EXOC6B: variants seen among roughly 807,000 people sequenced by gnomAD.
The protein encoded by EXOC6B is exocyst complex component 6B.
Under a neutral mutation model 113.5 loss-of-function variants are expected in EXOC6B, and 54 were observed. The ratio of observed to expected loss-of-function variants is 0.48; its 90% CI spans 0.38 to 0.60. The LOEUF (loss-of-function observed/expected upper bound fraction) is 0.60. Ranked by LOEUF, EXOC6B falls within the 20% of genes least tolerant of loss-of-function variation. EXOC6B has a pLI of 0.00. For missense variants in EXOC6B, 797 were observed against 977.5 expected, an observed-to-expected ratio of 0.82 and a Z score of 2.46; for synonymous variants, 357 against 339.0, an observed-to-expected ratio of 1.05 and a Z score of -0.58.
intron 6 of EXOC6B, among the ~76,000 whole-genome samples, chr2:72,648,896 C>T (rs1302005965): frequency 6.6e-6 from 1 of 152,136 alleles, no homozygotes; most frequent in African/African-American, 2.4e-5. Flanking sequence ...GTAATTCCAG[C>T]ACTTTGGGAG....
At chr2:72,547,236 A>C (rs1032005112) in intron 8 of EXOC6B, among the ~76,000 whole-genome samples, 10 of 152,216 alleles carry the variant, frequency 6.6e-5, no homozygotes, top group Non-Finnish European at 1.0e-4. Flanking sequence ...AGTCTCCTGT[A>C]GTGAATGGAG....
intron 20 of EXOC6B, among the ~76,000 whole-genome samples, chr2:72,328,411 C>CA (rs59050216): frequency 0.13 from 17,975 of 137,050 alleles, 1,141 homozygotes; most frequent in African/African-American, 0.19. Flanking sequence ...GGCACCAATA[C>CA]AAAAAAAAAA....
chr2:72,748,494 C>T (rs567182373), intron 1 of EXOC6B, among the ~76,000 whole-genome samples: 4 of 152,096 alleles, frequency 2.6e-5, no homozygotes, highest in South Asian at 2.1e-4. Flanking sequence ...GGGTGCATAA[C>T]GATGAAGGAG....
intron 2 of EXOC6B, among the ~76,000 whole-genome samples, chr2:72,737,667 A>AAC (rs1681050390): frequency 6.6e-6 from 1 of 152,080 alleles, no homozygotes; most frequent in Non-Finnish European, 1.5e-5. Flanking sequence ...CAGCCTAGTC[A>AAC]ACATGGTGAA....
chr2:72,782,642 AT>A (rs1444427918), intron 1 of EXOC6B, among the ~76,000 whole-genome samples: 3 of 152,160 alleles, frequency 2.0e-5, no homozygotes, highest in African/African-American at 7.2e-5. Flanking sequence ...CTAACTGTGT[AT>A]CGGTACCCAT....
At chr2:72,697,337 T>C (rs1273136959) in intron 6 of EXOC6B, among the ~76,000 whole-genome samples, 1 of 152,090 alleles carries the variant, frequency 6.6e-6, no homozygotes, top group Non-Finnish European at 1.5e-5. Context: ...TAAAAATTTT[T>C]GAATATTCCT....
At chr2:72,737,855 A>T (rs958396765) in intron 2 of EXOC6B, among the ~76,000 whole-genome samples, 1 of 152,196 alleles carries the variant, frequency 6.6e-6, no homozygotes, top group Admixed American at 6.6e-5. Context: ...CTGTCTCAAA[A>T]AAAAAAGTTA....
intron 6 of EXOC6B, among the ~76,000 whole-genome samples, chr2:72,596,007 A>G (rs1431022968): frequency 6.6e-6 from 1 of 152,166 alleles, no homozygotes; most frequent in Non-Finnish European, 1.5e-5. Flanking sequence ...CAAGTGGTGG[A>G]AAAAAGAAAA....
chr2:72,505,350 G>A (rs1700542223), intron 11 of EXOC6B, among the ~76,000 whole-genome samples: 2 of 151,924 alleles, frequency 1.3e-5, no homozygotes, highest in Admixed American at 6.6e-5. Context: ...CTATGCCACC[G>A]ACCTCCTATG....
intron 19 of EXOC6B, among the ~76,000 whole-genome samples, chr2:72,346,766 A>G (rs1689361529): frequency 6.6e-6 from 1 of 152,168 alleles, no homozygotes; most frequent in Non-Finnish European, 1.5e-5. Flanking sequence ...AGTTAAGGAA[A>G]GTAAAGAATA....
chr2:72,398,590 A>C (rs976270434), intron 18 of EXOC6B, among the ~76,000 whole-genome samples: 1 of 151,504 alleles, frequency 6.6e-6, no homozygotes, highest in Non-Finnish European at 1.5e-5. Flanking sequence ...CCAGCTACTT[A>C]GGTGGCTGCA....
At chr2:72,711,941 T>G (rs1679299427) in intron 6 of EXOC6B, among the ~76,000 whole-genome samples, 1 of 152,196 alleles carries the variant, frequency 6.6e-6, no homozygotes, top group African/African-American at 2.4e-5. Flanking sequence ...TTTAATATTT[T>G]TGAACTGCAG....
intron 8 of EXOC6B, among the ~76,000 whole-genome samples, chr2:72,533,367 A>C (rs982261052): frequency 1.3e-5 from 2 of 152,260 alleles, no homozygotes; most frequent in Non-Finnish European, 2.9e-5. Flanking sequence ...CTCATTAAAA[A>C]TAAATCCTTA....
chr2:72,742,663 T>C (rs764384266), intron 1 of EXOC6B, among the ~76,000 whole-genome samples: 1 of 152,224 alleles, frequency 6.6e-6, no homozygotes, highest in South Asian at 2.1e-4. Flanking sequence ...CATACTAACA[T>C]GTTTCTTAAC....
chr2:72,323,011 G>C (rs1256947527), intron 20 of EXOC6B, among the ~76,000 whole-genome samples: 1 of 152,154 alleles, frequency 6.6e-6, no homozygotes, highest in Non-Finnish European at 1.5e-5. Context: ...AAACTAAAGA[G>C]CTTCTGCACA....
intron 20 of EXOC6B, among the ~76,000 whole-genome samples, chr2:72,320,183 A>G (rs971499161): frequency 1.3e-4 from 20 of 148,560 alleles, no homozygotes; most frequent in Non-Finnish European, 2.2e-4. Context: ...AGATATATAT[A>G]TTTATATATA....
chr2:72,301,586 T>C (rs899140730), intron 20 of EXOC6B, among the ~76,000 whole-genome samples: 3 of 152,192 alleles, frequency 2.0e-5, no homozygotes, highest in Non-Finnish European at 2.9e-5. Context: ...AGGGTGTATG[T>C]GTCCAGGAAT....
intron 7 of EXOC6B, among the ~76,000 whole-genome samples, chr2:72,564,539 T>C (rs543545259): frequency 9.8e-5 from 15 of 152,298 alleles, no homozygotes; most frequent in Non-Finnish European, 1.9e-4. Flanking sequence ...AATGATTAGC[T>C]GAAGGAGCAC....
chr2:72,615,420 G>A (rs974788230), intron 6 of EXOC6B, among the ~76,000 whole-genome samples: 3 of 151,932 alleles, frequency 2.0e-5, no homozygotes, highest in Non-Finnish European at 4.4e-5. Flanking sequence ...GTTCAACTGA[G>A]CAAAGAACAA....
Sources: allele counts gnomAD v4.1 joint callset (sites outside exome capture counted in the v4.1 genomes callset), GRCh38; gene constraint gnomAD v4.1.1; transcripts MANE v1.5; gene names NCBI Gene and HGNC (gene_info 2026-07-23, HGNC 2026-07-21).